ENTPD3: variants seen among roughly 807,000 people sequenced by gnomAD.
The protein encoded by ENTPD3 is ectonucleoside triphosphate diphosphohydrolase 3, also known as CD39 antigen-like 3.
In ENTPD3, 60 loss-of-function variants were observed where a neutral mutation model predicts 51.2. The observed-to-expected ratio is 1.17, with a 90% CI of 0.95 to 1.45. ENTPD3 has a LOEUF of 1.45. Ranked by LOEUF, ENTPD3 falls within the 40% of genes most tolerant of loss-of-function variation. The pLI is 0.00. For synonymous variants in ENTPD3, 221 were observed against 238.4 expected, an observed-to-expected ratio of 0.93 and a Z score of 0.67; for missense variants, 593 against 641.1, an observed-to-expected ratio of 0.93 and a Z score of 0.81.
At chr3:40,390,902 C>T (rs1955036770) in intron 2 of ENTPD3, 1 of 152,186 alleles carries the variant, frequency 6.6e-6, no homozygotes, top group African/African-American at 2.4e-5. Flanking sequence ...CTGTTACCTT[C>T]CTACTTTTGA....
intron 4 of ENTPD3, among the ~76,000 whole-genome samples, chr3:40,402,741 T>C (rs1190629071): frequency 6.6e-6 from 1 of 152,170 alleles, no homozygotes; most frequent in Non-Finnish European, 1.5e-5. Context: ...CCATCAATAT[T>C]CCTTTTTGTG....
At chr3:40,400,208 T>C (rs1393828924) in intron 3 of ENTPD3, among the ~76,000 whole-genome samples, 1 of 146,258 alleles carries the variant, frequency 6.8e-6, no homozygotes, top group Admixed American at 7.0e-5. Flanking sequence ...GAGTTTGCAG[T>C]GAGCTGAGAT....
At chr3:40,405,775 A>G (rs1166901318) in intron 4 of ENTPD3, among the ~76,000 whole-genome samples, 2 of 152,152 alleles carry the variant, frequency 1.3e-5, no homozygotes, top group African/African-American at 4.8e-5. Flanking sequence ...AGGTTTCACC[A>G]TTCTATCTCG....
intron 3 of ENTPD3, among the ~76,000 whole-genome samples, chr3:40,399,262 C>A (rs143332349): frequency 6.6e-6 from 1 of 152,094 alleles, no homozygotes; most frequent in Non-Finnish European, 1.5e-5. Flanking sequence ...CAAGGGCTAA[C>A]GCAATAGTTG....
At chr3:40,425,260 A>C (rs1955958593) in intron 10 of ENTPD3, among the ~76,000 whole-genome samples, 1 of 151,734 alleles carries the variant, frequency 6.6e-6, no homozygotes, top group South Asian at 2.1e-4. Flanking sequence ...TCTACTAAAA[A>C]TACGAAATTA....
rs3064608 is a variant in ENTPD3 at position 40,397,119 on chromosome 3, C to CTTTTTT, written c.169-3760_169-3755dup. On this transcript the variant is annotated intron_variant, in intron 3 of 10. Transcript: ENST00000301825. Reference sequence around the variant, plus strand: ...AGAGTAAGAGTTGGATAATTAGTTTCTTTTTTTTTTTTTTTTTTTTCAGAA... The same window carrying CTTTTTT: ...AGAGTAAGAGTTGGATAATTAGTTTCTTTTTTTTTTTTTTTTTTTTTTTTTTCAGAA... Among the ~76,000 whole-genome samples, 65 of 101,286 alleles carry CTTTTTT rather than the reference C, an allele frequency of 6.4e-4. 10 individuals are homozygous for CTTTTTT. Among genetic ancestry groups the CTTTTTT allele is most frequent in the Middle Eastern group, 7.1e-3 (1 of 140 alleles). The allele number at this position is 101,286 out of a possible 152,430, so 66.4% of individuals were successfully genotyped here. A position where few individuals can be genotyped will look rare whatever the true frequency, so the allele number is the denominator to read the frequency against.
intron 6 of ENTPD3, among the ~76,000 whole-genome samples, chr3:40,415,248 C>T (rs149000927): frequency 2.6e-5 from 4 of 152,052 alleles, no homozygotes; most frequent in Non-Finnish European, 5.9e-5. Context: ...GAGGTCTTCA[C>T]TCTGTGTTCC....
chr3:40,409,815 A>C (rs1955587514), intron 4 of ENTPD3, among the ~76,000 whole-genome samples: 1 of 152,222 alleles, frequency 6.6e-6, no homozygotes, highest in South Asian at 2.1e-4. Context: ...CAACTGTAAA[A>C]AGAAATGAAG....
At chr3:40,420,094 AG>A (rs772457795) in intron 7 of ENTPD3, among the ~76,000 whole-genome samples, 1 of 152,248 alleles carries the variant, frequency 6.6e-6, no homozygotes, top group Non-Finnish European at 1.5e-5. Flanking sequence ...GGGCCAAGCC[AG>A]AAATAATTTA....
At chr3:40,418,923 T>C (rs1204655537) in intron 7 of ENTPD3, among the ~76,000 whole-genome samples, 7 of 152,120 alleles carry the variant, frequency 4.6e-5, no homozygotes, top group African/African-American at 1.7e-4. Context: ...AAATTGACCA[T>C]TCGATTATGA....
chr3:40,394,371 C>A, intron 3 of ENTPD3: 1 of 295,510 alleles, frequency 3.4e-6, no homozygotes, highest in South Asian at 2.8e-5. Flanking sequence ...ATCCACCCAC[C>A]TCAGCCTCCC....
intron 6 of ENTPD3, 70 bp from the exon 7 acceptor site, chr3:40,415,770 G>A: frequency 8.0e-7 from 1 of 1,245,784 alleles, no homozygotes; most frequent in South Asian, 1.3e-5. Flanking sequence ...CGAGGCTTGG[G>A]TGGAGAACTC....
intron 4 of ENTPD3, among the ~76,000 whole-genome samples, chr3:40,407,028 T>C (rs1955519762): frequency 1.3e-5 from 2 of 152,138 alleles, no homozygotes; most frequent in African/African-American, 4.8e-5. Context: ...GGCATCTGAG[T>C]TCATAATGCA....
At chr3:40,415,005 A>G (rs1324361004) in intron 6 of ENTPD3, among the ~76,000 whole-genome samples, 165 bp downstream of exon 6, 2 of 152,206 alleles carry the variant, frequency 1.3e-5, no homozygotes, top group Non-Finnish European at 2.9e-5. Context: ...AGAAAGACAT[A>G]TATAGCTGGG....
At chr3:40,424,955 A>C (rs770300016) in intron 10 of ENTPD3, 2 of 538,856 alleles carry the variant, frequency 3.7e-6, no homozygotes, top group Non-Finnish European at 6.8e-6. Flanking sequence ...GGTAGCATGT[A>C]CTCTCTAAGC....
At chr3:40,416,167 TTC>T (rs1955744219) in intron 7 of ENTPD3, 94 bp downstream of exon 7, 1 of 834,452 alleles carries the variant, frequency 1.2e-6, no homozygotes, top group Admixed American at 2.3e-5. Flanking sequence ...TCCTCTCCAC[TTC>T]AATTGAAAGG....
Position 40,400,917 on chromosome 3 carries a change from G to C in ENTPD3, c.192G>C (p.Gly64=), listed in dbSNP as rs754941697. 6.2e-7 allele frequency: 1 copy of C among 1,613,704 alleles called. No individual in the cohort carries two copies. Residue 64 remains glycine, a synonymous_variant, in exon 4 of 11, where the codon GGG becomes GGC. Coordinates refer to ENST00000301825, the MANE Select transcript of ENTPD3 (RefSeq NM_001248.4). Reference sequence around the variant, plus strand: ...AGTATGGTATTGTGCTGGATGCCGGGTCTTCAAGAACCACAGTCTACGTGT... The same window carrying C: ...AGTATGGTATTGTGCTGGATGCCGGCTCTTCAAGAACCACAGTCTACGTGT... ...GLKYGIVLDA[G]SSRTTVYVYQ... is the part of the protein sequence containing the mutation.
rs1219323139 is a variant in ENTPD3 at position 40,387,223 on chromosome 3, G to C, written c.-51G>C. The C allele has an allele frequency of 2.6e-5, 4 of 152,330 alleles. No individual in the cohort carries two copies. Among genetic ancestry groups the C allele is most frequent in the African/African-American group, 9.6e-5 (4 of 41,464 alleles). 9.4% of individuals were successfully genotyped at this position (152,330 alleles called of 1,614,324 possible). ...AGCGCTGGCCGCGGGCCGCCTCTGC[G>C]GCAGCGCTAGTCGCCTTCTCCGAAT... is the stretch of plus-strand genomic sequence containing the variant. On this transcript the variant is annotated 5_prime_UTR_variant, in exon 1 of 11. Transcript: ENST00000301825.
At chr3:40,425,219 A>G (rs1955958002) in intron 10 of ENTPD3, among the ~76,000 whole-genome samples, 1 of 152,104 alleles carries the variant, frequency 6.6e-6, no homozygotes, top group Admixed American at 6.5e-5. Flanking sequence ...GGAGTTTGAG[A>G]CCAGCCTGAC....
Sources: allele counts gnomAD v4.1 joint callset (sites outside exome capture counted in the v4.1 genomes callset), GRCh38; gene constraint gnomAD v4.1.1; transcripts MANE v1.5; gene names NCBI Gene and HGNC (gene_info 2026-07-23, HGNC 2026-07-21).